The following INPP5K variants were observed in gnomAD, a reference collection of about 807,000 sequenced individuals.
INPP5K encodes the protein inositol polyphosphate-5-phosphatase K.
INPP5K carries 35 observed loss-of-function variants against 53.5 expected under a neutral mutation model. The observed-to-expected ratio is 0.65, with a 90% CI of 0.50 to 0.87. INPP5K has a LOEUF of 0.87. Ranked by LOEUF, INPP5K falls within the 40% of genes least tolerant of loss-of-function variation. INPP5K has a pLI of 0.00. For synonymous variants in INPP5K, 253 were observed against 232.8 expected (o/e 1.09, Z -0.79); for missense variants, 550 against 586.2 (o/e 0.94, Z 0.64).
intron 8 of INPP5K, 117 bp from the exon 9 acceptor site, chr17:1,496,920 G>A (rs747152984): frequency 1.9e-6 from 2 of 1,048,896 alleles, no homozygotes; most frequent in Non-Finnish European, 2.8e-6. Context: ...CCCAGAGGGG[G>A]TGGGCATGGA....
Position 1,497,955 on chromosome 17 carries a change from G to C in INPP5K, c.944C>G (p.Ser315Cys). The C allele has an allele frequency of 1.2e-6, 2 of 1,613,764 alleles. No individual in the cohort carries two copies. Among genetic ancestry groups the C allele is most frequent in the Non-Finnish European group, 8.5e-7 (1 of 1,179,716 alleles). ...GTTCACCTCCAAGTCGAACGTGCCG[G>C]AGACAGGCTTGTGGTCGCTGATGCC... ...TYGISDHKPV[S>C]GTFDLELKPL... is the part of the protein sequence containing the mutation. The change falls in exon 8 of 12, where the codon TCC becomes TGC. Residue 315 changes from serine (S) to cysteine (C), a missense_variant. Transcript: ENST00000421807.
At chr17:1,499,579 C>T (rs1359434598) in intron 7 of INPP5K, among the ~76,000 whole-genome samples, 6 of 152,322 alleles carry the variant, frequency 3.9e-5, no homozygotes, top group African/African-American at 9.6e-5. Context: ...TAATACGCTC[C>T]GGAGACAAAA....
chr17:1,499,575 G>A (rs866929430), intron 7 of INPP5K, among the ~76,000 whole-genome samples: 6 of 152,152 alleles, frequency 3.9e-5, no homozygotes, highest in Non-Finnish European at 7.3e-5. Flanking sequence ...AAGGTAATAC[G>A]CTCCGGAGAC....
At chr17:1,496,893 G>A in intron 8 of INPP5K, 90 bp from the exon 9 acceptor site, 1 of 1,323,562 alleles carries the variant, frequency 7.6e-7, no homozygotes, top group Non-Finnish European at 1.0e-6. Context: ...TTCCAACATA[G>A]TGGGGAAGGT....
chr17:1,516,279 G>T (rs961691886), intron 1 of INPP5K, among the ~76,000 whole-genome samples, 177 bp downstream of exon 1: 28 of 152,256 alleles, frequency 1.8e-4, no homozygotes, highest in Non-Finnish European at 2.1e-4. Flanking sequence ...TCGGCTTAGA[G>T]GGGGCGCGAG....
At chr17:1,512,642 A>C (rs2075335913) in intron 3 of INPP5K, among the ~76,000 whole-genome samples, 1 of 152,208 alleles carries the variant, frequency 6.6e-6, no homozygotes, top group Non-Finnish European at 1.5e-5. Context: ...GGCAGAACCA[A>C]GGTGAAGGTG....
In INPP5K at chr17:1,513,485, T is replaced by C. The variant is rs751716699; in HGVS notation, c.229A>G (p.Met77Val). Reference sequence around the variant, plus strand: ...AAGCTCAGAGGGGAAAGCACATCCATGAGGAAACTGCTCCACGAGTCATTA... The same window carrying C: ...AAGCTCAGAGGGGAAAGCACATCCACGAGGAAACTGCTCCACGAGTCATTA... ...AFNDSWSSFL[M>V]DVLSPLSFIK... The change falls in exon 3 of 12, where the codon ATG becomes GTG. Residue 77 changes from methionine to valine, a missense_variant. Met to Val is a conservative substitution (Grantham distance 21, BLOSUM62 1). Transcript: ENST00000421807. 8.1e-6 allele frequency: 13 copies of C among 1,614,034 alleles called. No individual in the cohort carries two copies. Among genetic ancestry groups the C allele is most frequent in the African/African-American group, 1.3e-5 (1 of 74,918 alleles).
chr17:1,511,199 C>T (rs2075299311), intron 3 of INPP5K, among the ~76,000 whole-genome samples: 1 of 152,210 alleles, frequency 6.6e-6, no homozygotes, highest in East Asian at 1.9e-4. Flanking sequence ...TCATTTACTC[C>T]TGCCAAGCCT....
In INPP5K at chr17:1,495,728, A is replaced by AG; in HGVS notation, c.*94dup. 1 of 841,416 alleles carries AG rather than the reference A, an allele frequency of 1.2e-6. No homozygotes were observed. The allele number at this position is 841,416 out of a possible 1,614,324, so 52.1% of individuals were successfully genotyped here. On this transcript the variant is annotated 3_prime_UTR_variant, in exon 12 of 12. Coordinates refer to ENST00000421807, the MANE Select transcript of INPP5K (RefSeq NM_016532.4). Reference sequence around the variant, plus strand: ...GTGGACGACACTTGGCTGTCTCTTCAGGGGGCCAGGCTGGGCCCCCAGCAC... The same window carrying AG: ...GTGGACGACACTTGGCTGTCTCTTCAGGGGGGCCAGGCTGGGCCCCCAGCAC...
chr17:1,515,472 C>A (rs951357625), intron 1 of INPP5K: 8 of 985,502 alleles, frequency 8.1e-6, no homozygotes, highest in Non-Finnish European at 9.6e-6. Flanking sequence ...CTTCAAGAAG[C>A]CTCAGACTGT....
At chr17:1,504,280 G>A (rs1433766239) in intron 7 of INPP5K, among the ~76,000 whole-genome samples, 2 of 152,250 alleles carry the variant, frequency 1.3e-5, no homozygotes, top group African/African-American at 4.8e-5. Flanking sequence ...GCAAGGCTGG[G>A]GGTGGCACAA....
chr17:1,497,879 G>A, intron 8 of INPP5K, 57 bp downstream of exon 8: 1 of 1,456,466 alleles, frequency 6.9e-7, no homozygotes, highest in Non-Finnish European at 9.5e-7. Flanking sequence ...GGAGGGCTTG[G>A]GGATGTGGCC....
Position 1,498,079 on chromosome 17 carries a change from T to C in INPP5K, c.820A>G (p.Arg274Gly), listed in dbSNP as rs1218593348. Residue 274 changes from arginine (R) to glycine (G), a missense_variant, in exon 8 of 12, where the codon AGG becomes GGG. Physicochemically the swap from Arg to Gly is moderately radical, Grantham distance 125. Transcript: ENST00000421807. ...KPAWTDRILWRLKRQPCAGPD... is the reference protein window; with the variant it reads ...KPAWTDRILWGLKRQPCAGPD... ...CCAGCACAGGGCTGCCGCTTCAGCC[T>C]CCACAGGATGCGATCGGTCCATGCA... 5 of 1,613,870 alleles carry C rather than the reference T, an allele frequency of 3.1e-6. No homozygotes were observed. The highest frequency in any genetic ancestry group is 4.2e-6 in the Non-Finnish European group (5 of 1,179,858).
intron 1 of INPP5K, chr17:1,515,324 A>T: frequency 1.8e-5 from 10 of 549,776 alleles, no homozygotes; most frequent in Non-Finnish European, 2.3e-5. Flanking sequence ...CATCAGTTGG[A>T]TATTTTCCAC....
intron 1 of INPP5K, chr17:1,515,941 G>A: frequency 1.0e-6 from 1 of 987,894 alleles, no homozygotes; most frequent in East Asian, 1.1e-4. Flanking sequence ...TCTCAAATCC[G>A]ACGATTAGCA....
intron 7 of INPP5K, among the ~76,000 whole-genome samples, chr17:1,504,128 T>TG (rs2075100472): frequency 6.6e-6 from 1 of 152,172 alleles, no homozygotes; most frequent in South Asian, 2.1e-4. Context: ...ATTGACTAAC[T>TG]CCCAGGCTTG....
intron 8 of INPP5K, 31 bp from the exon 9 acceptor site, chr17:1,496,834 C>G: frequency 6.2e-7 from 1 of 1,608,288 alleles, no homozygotes; most frequent in Non-Finnish European, 8.5e-7. Flanking sequence ...GGGGCTGAAT[C>G]TCGCAGCATC....
Position 1,516,482 on chromosome 17 carries a change from C to G in INPP5K, c.18G>C (p.Leu6=), listed in dbSNP as rs1321308669. The stretch of plus-strand genomic sequence containing the variant: ...TGAGCCTCCTGCCTTTCGGCCCGCT[C>G]AGCTTCCGCGAGCTCATGGCCGCCG... The part of the protein sequence containing the change: MSSRK[L]SGPKGRRLSI... The change falls in exon 1 of 12, where the codon CTG becomes CTC. Residue 6 remains leucine (L), a synonymous_variant. Transcript: ENST00000421807. The G allele has an allele frequency of 6.3e-7, 1 of 1,588,392 alleles. No homozygotes were observed. The highest frequency in any genetic ancestry group is 8.5e-7 in the Non-Finnish European group (1 of 1,175,840).
chr17:1,500,858 T>G lies in INPP5K; in HGVS notation c.777-2736A>C, dbSNP rs2074993559. Reference sequence around the variant, plus strand: ...AGGTACACTTACTAAAAACCCAAGCTGAAGCTCGTCCCTCAAAAATGTCCG... The same window carrying G: ...AGGTACACTTACTAAAAACCCAAGCGGAAGCTCGTCCCTCAAAAATGTCCG... On this transcript the variant is annotated intron_variant, in intron 7 of 11. Coordinates refer to ENST00000421807, the MANE Select transcript of INPP5K (RefSeq NM_016532.4). 2.0e-5 allele frequency among the ~76,000 whole-genome samples: 3 copies of G among 151,982 alleles called. No individual in the cohort carries two copies. In the South Asian group the frequency reaches 6.2e-4, roughly 31 times the overall value.
Sources: allele counts gnomAD v4.1 joint callset (sites outside exome capture counted in the v4.1 genomes callset), GRCh38; gene constraint gnomAD v4.1.1; transcripts MANE v1.5; gene names NCBI Gene and HGNC (gene_info 2026-07-23, HGNC 2026-07-21).